Variants in TASP1 observed in about 807,000 individuals in gnomAD.
TASP1 encodes the protein threonine aspartase 1.
A neutral mutation model predicts 56.6 loss-of-function variants in TASP1; 16 were observed. The observed-to-expected ratio is 0.28, with a 90% confidence interval of 0.19 to 0.43. The LOEUF (loss-of-function observed/expected upper bound fraction) is 0.43, where lower values mean the gene tolerates loss of function less well. Among genes scored for constraint, TASP1 ranks in the 20% least tolerant of loss-of-function variants. The pLI is 1.00. For synonymous variants in TASP1, 179 were observed against 184.2 expected, an observed-to-expected ratio of 0.97 and a Z score of 0.23; for missense variants, 393 against 511.6, an observed-to-expected ratio of 0.77 and a Z score of 2.24.
the TASP1 span, among the ~76,000 whole-genome samples, chr20:13,122,068 G>A: frequency 6.6e-6 from 1 of 152,182 alleles, no homozygotes; most frequent in Non-Finnish European, 1.5e-5. Flanking sequence ...TTGTCCCTGA[G>A]AATGCAGTTG....
At chr20:13,278,746 C>T in the TASP1 span, among the ~76,000 whole-genome samples, 415 of 152,272 alleles carry the variant, frequency 2.7e-3, 4 homozygotes, top group African/African-American at 8.8e-3. Context: ...GCTGGGAGAG[C>T]TTGTCTCTGC....
the TASP1 span, among the ~76,000 whole-genome samples, chr20:13,161,724 A>G: frequency 0.053 from 8,097 of 152,296 alleles, 247 homozygotes; most frequent in African/African-American, 0.08. Context: ...TTGATGTTCC[A>G]TAGAGTAGGC....
At chr20:13,112,480 C>G in the TASP1 span, among the ~76,000 whole-genome samples, 1 of 152,178 alleles carries the variant, frequency 6.6e-6, no homozygotes, top group African/African-American at 2.4e-5. Flanking sequence ...GAGGCCAGCC[C>G]CGATTCAAAA....
chr20:13,460,482 T>A (rs571756765), intron 11 of TASP1, among the ~76,000 whole-genome samples: 12 of 152,200 alleles, frequency 7.9e-5, no homozygotes, highest in African/African-American at 2.7e-4. Flanking sequence ...ATTCTCAAAT[T>A]TATTTTAGCT....
At chr20:13,255,313 G>C in the TASP1 span, among the ~76,000 whole-genome samples, 1 of 152,114 alleles carries the variant, frequency 6.6e-6, no homozygotes, top group African/African-American at 2.4e-5. Flanking sequence ...AGTAATAAGG[G>C]ACTTGAAGAT....
intron 12 of TASP1, among the ~76,000 whole-genome samples, chr20:13,425,266 G>A (rs1008305754): frequency 2.6e-5 from 4 of 152,124 alleles, no homozygotes; most frequent in Non-Finnish European, 5.9e-5. Context: ...AGAGCTACAA[G>A]CTACCTCTCT....
intron 10 of TASP1, among the ~76,000 whole-genome samples, chr20:13,501,985 T>C (rs1049882490): frequency 4.6e-5 from 7 of 151,932 alleles, no homozygotes; most frequent in African/African-American, 1.2e-4. Context: ...ATAGAAGACA[T>C]AACAATCTAA....
At chr20:13,351,665 AT>A in the TASP1 span, among the ~76,000 whole-genome samples, 2 of 152,300 alleles carry the variant, frequency 1.3e-5, no homozygotes, top group East Asian at 3.9e-4. Context: ...GCATTGTGGA[AT>A]TTGGGGGGCT....
chr20:13,466,630 A>C (rs57218913), intron 11 of TASP1, among the ~76,000 whole-genome samples: 54,822 of 152,034 alleles, frequency 0.36, 10,697 homozygotes, highest in Non-Finnish European at 0.43. Flanking sequence ...AATCCCAGCC[A>C]CAGGGGAGGC....
chr20:13,364,148 A>C, the TASP1 span, among the ~76,000 whole-genome samples: 2 of 152,126 alleles, frequency 1.3e-5, no homozygotes, highest in Non-Finnish European at 2.9e-5. Context: ...TGGGGTTGTA[A>C]AGGAATTTTA....
the TASP1 span, among the ~76,000 whole-genome samples, chr20:13,143,567 G>A: frequency 9.9e-5 from 15 of 152,204 alleles, no homozygotes; most frequent in Non-Finnish European, 1.9e-4. Context: ...TACTGTTTGA[G>A]TGCTTGGCTG....
chr20:13,618,495 C>T (rs1319444957), intron 4 of TASP1, among the ~76,000 whole-genome samples: 1 of 151,914 alleles, frequency 6.6e-6, no homozygotes, highest in African/African-American at 2.4e-5. Flanking sequence ...ATGAAAATAC[C>T]TACTTTCTTT....
chr20:13,132,476 G>A, the TASP1 span, among the ~76,000 whole-genome samples: 8 of 151,976 alleles, frequency 5.3e-5, no homozygotes, highest in South Asian at 2.1e-4. Context: ...GCACCCAGCC[G>A]CTTTAATCTT....
At chr20:13,224,886 C>T in the TASP1 span, among the ~76,000 whole-genome samples, 5 of 146,206 alleles carry the variant, frequency 3.4e-5, no homozygotes, top group East Asian at 7.9e-4. Flanking sequence ...TGCTCTGTCG[C>T]CCAGGCTGGA....
chr20:13,375,357 G>C, the TASP1 span, among the ~76,000 whole-genome samples: 1 of 151,522 alleles, frequency 6.6e-6, no homozygotes, highest in South Asian at 2.1e-4. Flanking sequence ...TCCTGTGTTA[G>C]CTTGCTGAGA....
chr20:13,441,102 A>C (rs546141086), intron 11 of TASP1, among the ~76,000 whole-genome samples: 1 of 152,242 alleles, frequency 6.6e-6, no homozygotes, highest in Admixed American at 6.5e-5. Flanking sequence ...AAACCATGTC[A>C]AATCTGTTAG....
chr20:13,150,338 T>C, the TASP1 span, among the ~76,000 whole-genome samples: 6 of 152,234 alleles, frequency 3.9e-5, no homozygotes, highest in East Asian at 1.2e-3. Context: ...TTTGTTTTTT[T>C]AGCACAAAGG....
the TASP1 span, among the ~76,000 whole-genome samples, chr20:13,302,973 A>G: frequency 6.6e-6 from 1 of 152,212 alleles, no homozygotes; most frequent in Non-Finnish European, 1.5e-5. Context: ...TCTCTGTCTT[A>G]ACGCCGGGGA....
At chr20:13,174,572 G>A in the TASP1 span, among the ~76,000 whole-genome samples, 26 of 151,872 alleles carry the variant, frequency 1.7e-4, no homozygotes, top group Non-Finnish European at 1.6e-4. Context: ...AGTGGCATGC[G>A]CCTCTAGTTT....
Sources: allele counts gnomAD v4.1 joint callset (sites outside exome capture counted in the v4.1 genomes callset), GRCh38; gene constraint gnomAD v4.1.1; transcripts MANE v1.5; gene names NCBI Gene and HGNC (gene_info 2026-07-23, HGNC 2026-07-21).